Variants in FOXN3 observed in about 807,000 individuals in gnomAD.
The protein encoded by FOXN3 is forkhead box protein N3.
FOXN3 carries 7 observed loss-of-function variants against 38.4 expected under a neutral mutation model. The observed-to-expected ratio is 0.18, with a 90% confidence interval of 0.10 to 0.34. The LOEUF is 0.34. Ranked by LOEUF, FOXN3 falls within the 10% of genes least tolerant of loss-of-function variation. The pLI is 1.00. For missense variants in FOXN3, 456 were observed against 613.4 expected, an observed-to-expected ratio of 0.74 and a Z score of 2.71; for synonymous variants, 230 against 242.2, an observed-to-expected ratio of 0.95 and a Z score of 0.47.
At chr14:89,402,374 C>T (rs1331560208) in intron 2 of FOXN3, among the ~76,000 whole-genome samples, 2 of 152,244 alleles carry the variant, frequency 1.3e-5, no homozygotes, top group African/African-American at 4.8e-5. Flanking sequence ...CAGCCACCAT[C>T]TCTCTCCGTC....
rs571519395 is a variant in FOXN3, at chr14:89,207,102, T to G, written c.746-26296A>C. On this transcript the variant is annotated intron_variant, in intron 4 of 5. Coordinates refer to ENST00000557258, the MANE Select transcript of FOXN3 (RefSeq NM_005197.4). Reference sequence around the variant, plus strand: ...AACTCATGGTAGCAGGCACCTGTAATCCCCACTACTTGGGAGGCTGAGGCA... The same window carrying G: ...AACTCATGGTAGCAGGCACCTGTAAGCCCCACTACTTGGGAGGCTGAGGCA... 3.9e-5 allele frequency among the ~76,000 whole-genome samples: 6 copies of G among 152,174 alleles called. No homozygotes were observed. In the South Asian group the frequency reaches 1.2e-3, roughly 32 times the overall value.
chr14:89,399,452 T>C (rs1891190386), intron 2 of FOXN3, among the ~76,000 whole-genome samples: 1 of 152,182 alleles, frequency 6.6e-6, no homozygotes, highest in Admixed American at 6.5e-5. Context: ...ACCTGAGATA[T>C]GCTTTGTTGC....
intron 4 of FOXN3, among the ~76,000 whole-genome samples, chr14:89,269,603 T>C (rs1401828562): frequency 2.0e-5 from 3 of 152,052 alleles, no homozygotes; most frequent in Non-Finnish European, 4.4e-5. Context: ...GTCGCAACAG[T>C]TGTTTTTCAG....
intron 1 of FOXN3, among the ~76,000 whole-genome samples, chr14:89,467,621 CTT>C (rs779424121): frequency 8.7e-5 from 12 of 138,474 alleles, no homozygotes; most frequent in Non-Finnish European, 1.6e-4. Flanking sequence ...TTCCCTCTTG[CTT>C]TTTTTTTTTT....
At chr14:89,552,133 C>T (rs1223317217) in intron 1 of FOXN3, among the ~76,000 whole-genome samples, 1 of 152,152 alleles carries the variant, frequency 6.6e-6, no homozygotes, top group East Asian at 1.9e-4. Flanking sequence ...GAAAAGCGCA[C>T]GGTTGCTTCC....
At chr14:89,580,440 C>T (rs1895719837) in intron 1 of FOXN3, among the ~76,000 whole-genome samples, 1 of 152,180 alleles carries the variant, frequency 6.6e-6, no homozygotes, top group African/African-American at 2.4e-5. Flanking sequence ...TAAATACAGT[C>T]AAGAGTTAAG....
intron 4 of FOXN3, among the ~76,000 whole-genome samples, chr14:89,219,640 A>G (rs1417799977): frequency 6.6e-6 from 1 of 152,188 alleles, no homozygotes; most frequent in Admixed American, 6.5e-5. Context: ...AACTTGGGGC[A>G]ATTTGACGTA....
chr14:89,210,349 T>C (rs1422198739), intron 4 of FOXN3, among the ~76,000 whole-genome samples: 1 of 152,138 alleles, frequency 6.6e-6, no homozygotes, highest in Non-Finnish European at 1.5e-5. Flanking sequence ...TCCTCCATGA[T>C]TGTAAGTTTT....
intron 3 of FOXN3, among the ~76,000 whole-genome samples, chr14:89,282,274 CT>C (rs33933154): frequency 0.51 from 77,764 of 151,136 alleles, 20,562 homozygotes; most frequent in East Asian, 0.67. Flanking sequence ...GTTAATGAAC[CT>C]TTTGTTTTAT....
intron 1 of FOXN3, among the ~76,000 whole-genome samples, chr14:89,457,107 G>T (rs1240691583): frequency 6.6e-6 from 1 of 152,176 alleles, no homozygotes; most frequent in Non-Finnish European, 1.5e-5. Flanking sequence ...TCTACAGCTT[G>T]ACTCTGGGAG....
intron 2 of FOXN3, among the ~76,000 whole-genome samples, chr14:89,356,003 C>T (rs1889206113): frequency 6.7e-6 from 1 of 149,030 alleles, no homozygotes; most frequent in African/African-American, 2.5e-5. Context: ...GAGGGATAGC[C>T]TGTAACAATT....
chr14:89,182,950 A>T (rs942170540), intron 4 of FOXN3, among the ~76,000 whole-genome samples: 1 of 152,234 alleles, frequency 6.6e-6, no homozygotes, highest in African/African-American at 2.4e-5. Flanking sequence ...CATACCACAT[A>T]TAAAAATTAG....
chr14:89,586,568 G>A (rs1360599398), intron 1 of FOXN3, among the ~76,000 whole-genome samples: 1 of 152,196 alleles, frequency 6.6e-6, no homozygotes, highest in Non-Finnish European at 1.5e-5. Flanking sequence ...CTCAAAAAGT[G>A]TATGTTATCT....
chr14:89,215,252 A>T (rs539952065), intron 4 of FOXN3, among the ~76,000 whole-genome samples: 2 of 151,986 alleles, frequency 1.3e-5, no homozygotes, highest in East Asian at 3.9e-4. Context: ...CTGCTTTGCA[A>T]ATCTGGATTC....
At chr14:89,527,789 C>A (rs948680772) in intron 1 of FOXN3, among the ~76,000 whole-genome samples, 16 of 151,426 alleles carry the variant, frequency 1.1e-4, no homozygotes, top group Middle Eastern at 3.2e-3. Flanking sequence ...GCAACCTCTG[C>A]CTCCCAGGTT....
intron 2 of FOXN3, among the ~76,000 whole-genome samples, chr14:89,393,527 G>C (rs1166701042): frequency 6.6e-6 from 1 of 152,196 alleles, no homozygotes; most frequent in Non-Finnish European, 1.5e-5. Context: ...TCTCTGAAGT[G>C]CTGAGGGTGA....
intron 2 of FOXN3, among the ~76,000 whole-genome samples, chr14:89,394,347 G>A (rs1891048658): frequency 6.6e-6 from 1 of 151,342 alleles, no homozygotes; most frequent in East Asian, 1.9e-4. Context: ...GCGATTACAG[G>A]TGCCCACCAC....
upstream of FOXN3, among the ~76,000 whole-genome samples, chr14:89,420,374 G>T (rs1048786872): frequency 2.1e-4 from 32 of 152,198 alleles, no homozygotes; most frequent in African/African-American, 7.7e-4. Flanking sequence ...GAGGGGAGAT[G>T]ACTTTGGAAG....
chr14:89,325,338 C>T lies in FOXN3; in HGVS notation c.680+25334G>A, dbSNP rs563056425. 7.0e-5 allele frequency among the ~76,000 whole-genome samples: 10 copies of T among 143,102 alleles called. No homozygotes were observed. The East Asian group carries it at 1.2e-3, about 17-fold the overall frequency. The allele number at this position is 143,102 out of a possible 152,430, so 93.9% of individuals were successfully genotyped here. A position where few individuals can be genotyped will look rare whatever the true frequency, so the allele number is the denominator to read the frequency against. On this transcript the variant is annotated intron_variant, in intron 3 of 5. Transcript: ENST00000557258. ...CGACCACCACCACCACCACCACCACCACCACCACCACCACCACCACCACTA... is the reference window on the plus strand; with the variant it reads ...CGACCACCACCACCACCACCACCACTACCACCACCACCACCACCACCACTA...
Sources: gnomAD v4.1 joint callset for allele counts (sites outside exome capture counted in the v4.1 genomes callset) on GRCh38, gnomAD v4.1.1 for gene constraint, MANE v1.5 for transcripts, NCBI Gene and HGNC (gene_info 2026-07-23, HGNC 2026-07-21) for gene names.